EPCAM: variants seen among roughly 807,000 people sequenced by gnomAD.
EPCAM encodes the protein adenocarcinoma-associated antigen.
EPCAM carries 39 observed loss-of-function variants against 40.0 expected under a neutral mutation model. That is an observed-to-expected ratio of 0.98 (90% CI 0.76 to 1.27). The LOEUF is 1.27. Among genes scored for constraint, EPCAM ranks in the 50% most tolerant of loss-of-function variants. The pLI, the probability that EPCAM is intolerant of heterozygous loss-of-function variation, is 0.00. For synonymous variants in EPCAM, 168 were observed against 132.3 expected (o/e 1.27, Z -1.85); for missense variants, 503 against 381.2 (o/e 1.32, Z -2.66).
At chr2:47,374,560 C>G (rs1332194399) in intron 3 of EPCAM, among the ~76,000 whole-genome samples, 2 of 152,136 alleles carry the variant, frequency 1.3e-5, no homozygotes, top group African/African-American at 4.8e-5. Context: ...AAAGTGGGCA[C>G]TTTGTTTTTC....
intron 1 of EPCAM, among the ~76,000 whole-genome samples, chr2:47,373,255 A>G (rs1671329121): frequency 6.7e-6 from 1 of 150,018 alleles, no homozygotes; most frequent in South Asian, 2.1e-4. Context: ...ATGCAGATTA[A>G]ACTATGTGTC....
intron 7 of EPCAM, chr2:47,383,504 C>T (rs1671650776): frequency 6.7e-6 from 1 of 149,796 alleles, no homozygotes; most frequent in Non-Finnish European, 1.5e-5. Context: ...AGGGTTTCAC[C>T]ATATTGGCCA....
chr2:47,384,846 A>T (rs1671695336), intron 7 of EPCAM, among the ~76,000 whole-genome samples: 1 of 152,068 alleles, frequency 6.6e-6, no homozygotes, highest in Non-Finnish European at 1.5e-5. Context: ...AGCTGGGACT[A>T]CAGGTGCGTG....
chr2:47,372,055 T>G (rs1378431381), intron 1 of EPCAM, among the ~76,000 whole-genome samples: 2 of 152,188 alleles, frequency 1.3e-5, no homozygotes, highest in Non-Finnish European at 2.9e-5. Context: ...TTGAGGTTGT[T>G]AAGGACAAAA....
rs190515042 is a variant in EPCAM, at chr2:47,370,507, G to A, written c.76+926G>A. ...GGTCAGGCTGGTCTCTAACTCCTGA[G>A]CTCGTGATCCGCCCGCCTCGGCCTC... On this transcript the variant is annotated intron_variant, in intron 1 of 8. Coordinates refer to ENST00000263735, the MANE Select transcript of EPCAM (RefSeq NM_002354.3). 3.3e-5 allele frequency among the ~76,000 whole-genome samples: 5 copies of A among 151,660 alleles called. No individual in the cohort carries two copies. The East Asian group carries it at 9.8e-4, about 30-fold the overall frequency.
At chr2:47,379,689 A>T in intron 6 of EPCAM, 80 bp from the exon 7 acceptor site, 1 of 1,508,710 alleles carries the variant, frequency 6.6e-7, no homozygotes, top group Non-Finnish European at 9.1e-7. Flanking sequence ...TTCTTTTGGC[A>T]TACAATTTGT....
In EPCAM at chr2:47,386,668, A is replaced by C. The variant is rs985560648; in HGVS notation, c.*55A>C. 1.3e-5 allele frequency: 17 copies of C among 1,339,982 alleles called. No homozygotes were observed. In the Admixed American group the frequency reaches 1.7e-4, roughly 13 times the overall value. The allele number at this position is 1,339,982 out of a possible 1,614,324, so 83.0% of individuals were successfully genotyped here. A position where few individuals can be genotyped will look rare whatever the true frequency, so the allele number is the denominator to read the frequency against. Reference sequence around the variant, plus strand: ...GAAATAGCAAATGGACACAAATTACAAATGTGTGTGCGTGGGACGAAGACA... The same window carrying C: ...GAAATAGCAAATGGACACAAATTACCAATGTGTGTGCGTGGGACGAAGACA... On this transcript the variant is annotated 3_prime_UTR_variant, in exon 9 of 9. Coordinates refer to ENST00000263735, the MANE Select transcript of EPCAM (RefSeq NM_002354.3).
In EPCAM at chr2:47,369,313, A is replaced by T; in HGVS notation, c.-193A>T. The T allele has an allele frequency of 1.5e-6, 2 of 1,364,814 alleles. No homozygotes were observed. The highest frequency in any genetic ancestry group is 1.9e-6 in the Non-Finnish European group (2 of 1,049,224). 84.5% of individuals were successfully genotyped at this position (1,364,814 alleles called of 1,614,324 possible). On this transcript the variant is annotated 5_prime_UTR_variant, in exon 1 of 9. Transcript: ENST00000263735. Reference sequence around the variant, plus strand: ...GTGCGCTCCGCCCCGCCGCGCGCACAGAGCGCTAGTCCTTCGGCGAGCGAG... The same window carrying T: ...GTGCGCTCCGCCCCGCCGCGCGCACTGAGCGCTAGTCCTTCGGCGAGCGAG...
At chr2:47,374,474 G>A in intron 3 of EPCAM, among the ~76,000 whole-genome samples, 1 of 152,134 alleles carries the variant, frequency 6.6e-6, no homozygotes, top group East Asian at 1.9e-4. Context: ...AAAAGGCACA[G>A]AAACCCACTC....
chr2:47,378,939 AT>A lies in EPCAM; in HGVS notation c.556-7del, dbSNP rs772026137. On this transcript the variant is annotated splice_polypyrimidine_tract_variant and intron_variant, in intron 5 of 8. Coordinates refer to ENST00000263735, the MANE Select transcript of EPCAM (RefSeq NM_002354.3). ...TATTAGTATTAATTTGTATTATTCA[AT>A]TTTTTTCCCCAGTATGAGAATAATG... The A allele has an allele frequency of 1.2e-5, 14 of 1,153,730 alleles. No homozygotes were observed. Among genetic ancestry groups the A allele is most frequent in the African/African-American group, 1.5e-5 (1 of 66,108 alleles). 71.5% of individuals were successfully genotyped at this position (1,153,730 alleles called of 1,614,324 possible).
At chr2:47,374,829 G>C (rs959150816) in intron 3 of EPCAM, among the ~76,000 whole-genome samples, 1 of 151,930 alleles carries the variant, frequency 6.6e-6, no homozygotes, top group Non-Finnish European at 1.5e-5. Flanking sequence ...GTAGAGATGG[G>C]GTTTCACCAT....
In EPCAM at chr2:47,379,032, T is replaced by G. The variant is rs1001841016; in HGVS notation, c.635T>G (p.Val212Gly). Reference protein sequence around the residue: ...KTQNDVDIADVAYYFEKDVKG... With the variant: ...KTQNDVDIADGAYYFEKDVKG... Reference sequence around the variant, plus strand: ...CAGAATGATGTGGACATAGCTGATGTGGCTTATTATTTTGAAAAAGATGTG... The same window carrying G: ...CAGAATGATGTGGACATAGCTGATGGGGCTTATTATTTTGAAAAAGATGTG... Residue 212 changes from valine to glycine, a missense_variant, in exon 6 of 9, where the codon GTG (valine) becomes GGG (glycine). Coordinates refer to ENST00000263735, the MANE Select transcript of EPCAM (RefSeq NM_002354.3). 2 of 1,590,682 alleles carry G rather than the reference T, an allele frequency of 1.3e-6. No homozygotes were observed. The highest frequency in any genetic ancestry group is 4.5e-5 in the East Asian group (2 of 44,686).
At chr2:47,372,774 G>C (rs1201224964) in intron 1 of EPCAM, among the ~76,000 whole-genome samples, 1 of 151,674 alleles carries the variant, frequency 6.6e-6, no homozygotes, top group Non-Finnish European at 1.5e-5. Context: ...TCTGTCTCAA[G>C]AAGAAAAACA....
At chr2:47,369,744 C>G (rs1413438357) in intron 1 of EPCAM, 163 bp downstream of exon 1, 10 of 792,732 alleles carry the variant, frequency 1.3e-5, no homozygotes, top group Non-Finnish European at 2.2e-5. Flanking sequence ...TCAGGCCCTC[C>G]GCGCGGTAGG....
intron 1 of EPCAM, 184 bp downstream of exon 1, chr2:47,369,765 G>C (rs980125554): frequency 2.8e-6 from 2 of 723,370 alleles, no homozygotes; most frequent in Admixed American, 2.0e-5. Context: ...AAACGGCGAG[G>C]GCCGTCCCGG....
chr2:47,382,035 T>C (rs1158239446), intron 7 of EPCAM, among the ~76,000 whole-genome samples: 1 of 152,144 alleles, frequency 6.6e-6, no homozygotes, highest in Non-Finnish European at 1.5e-5. Flanking sequence ...CCCAAACTGC[T>C]GGGATTACAG....
intron 1 of EPCAM, among the ~76,000 whole-genome samples, chr2:47,371,297 G>A (rs182627089): frequency 5.9e-5 from 9 of 152,158 alleles, no homozygotes; most frequent in Admixed American, 2.6e-4. Context: ...GTCTCCGTCT[G>A]TCGTTCAGCC....
chr2:47,377,047 A>G lies in EPCAM; in HGVS notation c.525A>G (p.Gln175=). The G allele has an allele frequency of 6.2e-7, 1 of 1,610,756 alleles. No individual in the cohort carries two copies. The highest frequency in any genetic ancestry group is 1.1e-5 in the South Asian group (1 of 91,016). Reference sequence around the variant, plus strand: ...AGAAGGAGATCACAACGCGTTATCAACTGGATCCAAAATTTATCACGAGTA... The same window carrying G: ...AGAAGGAGATCACAACGCGTTATCAGCTGGATCCAAAATTTATCACGAGTA... ...ALQKEITTRY[Q]LDPKFITSIL... The change falls in exon 5 of 9, where the codon CAA becomes CAG. Residue 175 remains glutamine, a synonymous_variant. Transcript: ENST00000263735.
At chr2:47,379,149 G>A (rs866934193) in intron 6 of EPCAM, 95 bp downstream of exon 6, 1 of 778,916 alleles carries the variant, frequency 1.3e-6, no homozygotes, top group African/African-American at 1.7e-5. Context: ...TCCACTTACA[G>A]ATCAACCAAA....
Sources: gnomAD v4.1 joint callset for allele counts (sites outside exome capture counted in the v4.1 genomes callset) on GRCh38, gnomAD v4.1.1 for gene constraint, MANE v1.5 for transcripts, NCBI Gene and HGNC (gene_info 2026-07-23, HGNC 2026-07-21) for gene names.